Variants in NEBL observed in about 807,000 individuals in gnomAD.
The protein encoded by NEBL is nebulette, also known as LIM and SH3 protein 2.
A neutral mutation model predicts 140.2 loss-of-function variants in NEBL; 122 were observed. The ratio of observed to expected loss-of-function variants is 0.87; its 90% confidence interval spans 0.75 to 1.01. The LOEUF (loss-of-function observed/expected upper bound fraction) is 1.01, where lower values mean the gene tolerates loss of function less well. NEBL is among the 50% of genes least tolerant of loss of function. The pLI, the probability that NEBL is intolerant of heterozygous loss-of-function variation, is 0.00. For missense variants in NEBL, 1,365 were observed against 1,231.3 expected (o/e 1.11, Z -1.62); for synonymous variants, 436 against 398.9 (o/e 1.09, Z -1.11).
At chr10:21,212,582 G>A (rs182915271) in intron 3 of NEBL, among the ~76,000 whole-genome samples, 1 of 152,314 alleles carries the variant, frequency 6.6e-6, no homozygotes, top group East Asian at 1.9e-4. Flanking sequence ...TTCGGTGAAA[G>A]GGGTGGAATC....
intron 3 of NEBL, among the ~76,000 whole-genome samples, chr10:20,962,682 T>C (rs1836107858): frequency 6.6e-6 from 1 of 152,174 alleles, no homozygotes; most frequent in Non-Finnish European, 1.5e-5. Context: ...CACTTTGTTC[T>C]TTTTTTAAGC....
At chr10:20,847,857 G>C (rs1287081052) in intron 11 of NEBL, among the ~76,000 whole-genome samples, 1 of 152,160 alleles carries the variant, frequency 6.6e-6, no homozygotes, top group African/African-American at 2.4e-5. Flanking sequence ...ATTAGAATTA[G>C]AGACAAGGTC....
At chr10:20,791,450 C>A (rs1258647265) in intron 26 of NEBL, among the ~76,000 whole-genome samples, 1 of 152,138 alleles carries the variant, frequency 6.6e-6, no homozygotes, top group Non-Finnish European at 1.5e-5. Context: ...GTCACCCAGG[C>A]TGTAGAGTAG....
chr10:21,261,164 T>G (rs1251180423), intron 1 of NEBL, among the ~76,000 whole-genome samples: 2 of 152,148 alleles, frequency 1.3e-5, no homozygotes, highest in Non-Finnish European at 2.9e-5. Context: ...AGGGAAATGG[T>G]GGGTAACCCC....
intron 4 of NEBL, among the ~76,000 whole-genome samples, chr10:20,886,437 G>T (rs1352057221): frequency 6.6e-6 from 1 of 152,178 alleles, no homozygotes; most frequent in African/African-American, 2.4e-5. Flanking sequence ...GCTGAGGCAT[G>T]AGAATAACTT....
In NEBL at chr10:20,888,226, G is replaced by C. The variant is rs757657767; in HGVS notation, c.259-19C>G. On this transcript the variant is annotated intron_variant, in intron 3 of 27. Transcript: ENST00000377122. ...ATTTTGCCTGGGGGAAAAAAAAACA[G>C]GAAAAAAATAAATAAATAAACTTCC... 8.0e-6 allele frequency: 11 copies of C among 1,373,610 alleles called. No homozygotes were observed. In the Admixed American group the frequency reaches 9.6e-5, roughly 12 times the overall value. The allele number at this position is 1,373,610 out of a possible 1,614,324, so 85.1% of individuals were successfully genotyped here.
At chr10:21,163,434 G>A (rs752392608) in intron 2 of NEBL, among the ~76,000 whole-genome samples, 9 of 152,152 alleles carry the variant, frequency 5.9e-5, no homozygotes, top group Non-Finnish European at 1.0e-4. Context: ...TGAGGTATGC[G>A]TTTGCTGCAG....
intron 2 of NEBL, among the ~76,000 whole-genome samples, chr10:21,072,465 T>G (rs1399589605): frequency 6.6e-6 from 1 of 152,212 alleles, no homozygotes; most frequent in Non-Finnish European, 1.5e-5. Flanking sequence ...GAGGTGCCAC[T>G]TTTATCAGGA....
At chr10:21,007,992 TC>T (rs1564478293) in intron 3 of NEBL, among the ~76,000 whole-genome samples, 1 of 152,182 alleles carries the variant, frequency 6.6e-6, no homozygotes, top group African/African-American at 2.4e-5. Flanking sequence ...TGTTAGAGTG[TC>T]CAGCAGTGAA....
upstream of NEBL, among the ~76,000 whole-genome samples, chr10:20,901,746 G>A (rs537518616): frequency 6.6e-6 from 1 of 152,198 alleles, no homozygotes; most frequent in African/African-American, 2.4e-5. Context: ...TTTGTTGCCT[G>A]GTTTTTGTTT....
intron 26 of NEBL, among the ~76,000 whole-genome samples, chr10:20,806,864 G>T (rs150025642): frequency 1.6e-4 from 24 of 152,340 alleles, no homozygotes; most frequent in African/African-American, 5.8e-4. Flanking sequence ...CTTTGGGAGA[G>T]ACATCAATTC....
intron 3 of NEBL, among the ~76,000 whole-genome samples, chr10:20,997,037 A>T (rs1288554558): frequency 6.6e-6 from 1 of 152,252 alleles, no homozygotes; most frequent in African/African-American, 2.4e-5. Context: ...AGTTTCAAAA[A>T]TCCATCTTTC....
chr10:21,115,673 T>G (rs1320905864), intron 2 of NEBL, among the ~76,000 whole-genome samples: 1 of 152,118 alleles, frequency 6.6e-6, no homozygotes, highest in Non-Finnish European at 1.5e-5. Flanking sequence ...GATTATTATG[T>G]GCCTTGGTGT....
chr10:20,992,864 G>A (rs973514383), intron 3 of NEBL, among the ~76,000 whole-genome samples: 39 of 122,686 alleles, frequency 3.2e-4, no homozygotes, highest in African/African-American at 9.3e-5. Flanking sequence ...TGCAAGCTCC[G>A]CCTCCCAGGT....
chr10:21,006,691 G>A (rs1423879077), intron 3 of NEBL, among the ~76,000 whole-genome samples: 1 of 152,152 alleles, frequency 6.6e-6, no homozygotes, highest in Non-Finnish European at 1.5e-5. Context: ...TTCCACAGTG[G>A]TCCGAGACCC....
chr10:21,256,903 A>G (rs1842665793), intron 1 of NEBL, among the ~76,000 whole-genome samples: 2 of 152,220 alleles, frequency 1.3e-5, no homozygotes, highest in Admixed American at 1.3e-4. Flanking sequence ...ACTGCTATCT[A>G]TGCTGTTGAG....
At chr10:20,976,708 G>C (rs1297093001) in intron 3 of NEBL, among the ~76,000 whole-genome samples, 2 of 151,926 alleles carry the variant, frequency 1.3e-5, no homozygotes, top group African/African-American at 4.8e-5. Flanking sequence ...TTATAAATAG[G>C]AGCTAAACAT....
At chr10:21,010,788 G>A (rs1261712382) in intron 3 of NEBL, among the ~76,000 whole-genome samples, 1 of 152,222 alleles carries the variant, frequency 6.6e-6, no homozygotes, top group African/African-American at 2.4e-5. Flanking sequence ...CTCGACAACT[G>A]AGTTAAATGA....
chr10:20,858,228 T>C lies in NEBL; in HGVS notation c.903+12A>G, dbSNP rs745380674. On this transcript the variant is annotated intron_variant, in intron 9 of 27. Transcript: ENST00000377122. ...CAAGGCAACTACGGTTGCCGCTAGA[T>C]GAACCACTTACGCCGCTGAGCATTT... 1.6e-5 allele frequency: 25 copies of C among 1,578,004 alleles called. No individual in the cohort carries two copies. Among genetic ancestry groups the C allele is most frequent in the Admixed American group, 3.3e-5 (2 of 59,930 alleles).
Sources: allele counts gnomAD v4.1 joint callset (sites outside exome capture counted in the v4.1 genomes callset), GRCh38; gene constraint gnomAD v4.1.1; transcripts MANE v1.5; gene names NCBI Gene and HGNC (gene_info 2026-07-23, HGNC 2026-07-21).